Variants in MEOX2 observed in about 807,000 individuals in gnomAD.
The protein encoded by MEOX2 is homeobox protein MOX-2.
Under a neutral mutation model 27.0 loss-of-function variants are expected in MEOX2, and 11 were observed. The observed-to-expected ratio is 0.41, with a 90% CI of 0.26 to 0.68. MEOX2 has a LOEUF of 0.68. Ranked by LOEUF, MEOX2 falls within the 30% of genes least tolerant of loss-of-function variation. The pLI, the probability that MEOX2 is intolerant of heterozygous loss-of-function variation, is 0.33. For synonymous variants in MEOX2, 189 were observed against 155.4 expected (o/e 1.22, Z -1.61); for missense variants, 436 against 385.4 (o/e 1.13, Z -1.10).
intron 1 of MEOX2, among the ~76,000 whole-genome samples, chr7:15,631,153 GCAAACC>G (rs1352901890): frequency 6.6e-6 from 1 of 151,280 alleles, no homozygotes; most frequent in Non-Finnish European, 1.5e-5. Context: ...CTCTTACAAA[GCAAACC>G]CAAATTTTAC....
chr7:15,651,687 T>C (rs1008406359), intron 1 of MEOX2, among the ~76,000 whole-genome samples: 3 of 152,012 alleles, frequency 2.0e-5, no homozygotes, highest in Middle Eastern at 3.2e-3. Flanking sequence ...CTCTGTACTC[T>C]TGATCAGTGC....
At chr7:15,627,375 A>AT (rs1338052586) in intron 1 of MEOX2, among the ~76,000 whole-genome samples, 1 of 152,134 alleles carries the variant, frequency 6.6e-6, no homozygotes, top group African/African-American at 2.4e-5. Context: ...ACCATAAAAA[A>AT]TTTTATGCTC....
At chr7:15,670,029 T>G (rs1562613368) in intron 1 of MEOX2, among the ~76,000 whole-genome samples, 1 of 152,202 alleles carries the variant, frequency 6.6e-6, no homozygotes, top group Non-Finnish European at 1.5e-5. Context: ...TGACCTTACA[T>G]TCTTGAATAT....
At chr7:15,635,407 T>C (rs144646729) in intron 1 of MEOX2, among the ~76,000 whole-genome samples, 454 of 152,094 alleles carry the variant, frequency 3.0e-3, no homozygotes, top group Non-Finnish European at 4.6e-3. Flanking sequence ...GTACCAAACA[T>C]TCCAAATACA....
In MEOX2 at chr7:15,612,056, A is replaced by G; in HGVS notation, c.*331T>C. ...CATCTTCACTCTGGAGACATCTTGA[A>G]TAAAAAACCGTTCATAGTTTGCTCT... On this transcript the variant is annotated 3_prime_UTR_variant, in exon 3 of 3. Coordinates refer to ENST00000262041, the MANE Select transcript of MEOX2 (RefSeq NM_005924.5). 1 of 304,244 alleles carries G rather than the reference A, an allele frequency of 3.3e-6. No homozygotes were observed. Among genetic ancestry groups the G allele is most frequent in the South Asian group, 4.7e-5 (1 of 21,410 alleles). The allele number at this position is 304,244 out of a possible 1,614,324, so 18.8% of individuals were successfully genotyped here.
intron 1 of MEOX2, among the ~76,000 whole-genome samples, chr7:15,634,242 T>C (rs1210051885): frequency 6.6e-6 from 1 of 151,932 alleles, no homozygotes; most frequent in Non-Finnish European, 1.5e-5. Context: ...CTTGTTACAT[T>C]TGTATTCAAT....
At chr7:15,620,297 G>T (rs1781201391) in intron 2 of MEOX2, among the ~76,000 whole-genome samples, 1 of 152,166 alleles carries the variant, frequency 6.6e-6, no homozygotes, top group Admixed American at 6.5e-5. Flanking sequence ...TACATAGGTA[G>T]ACTTGAATTA....
intron 1 of MEOX2, among the ~76,000 whole-genome samples, chr7:15,629,553 T>G (rs1327334544): frequency 6.6e-6 from 1 of 152,070 alleles, no homozygotes; most frequent in Admixed American, 6.6e-5. Flanking sequence ...TACATTAAAT[T>G]AGATGACAGA....
intron 1 of MEOX2, among the ~76,000 whole-genome samples, chr7:15,669,859 G>T (rs1186261818): frequency 6.6e-6 from 1 of 152,140 alleles, no homozygotes; most frequent in African/African-American, 2.4e-5. Context: ...AGGCTTTAAA[G>T]GTTAATGATT....
At chr7:15,673,220 A>G (rs1782131735) in intron 1 of MEOX2, among the ~76,000 whole-genome samples, 1 of 152,212 alleles carries the variant, frequency 6.6e-6, no homozygotes, top group Non-Finnish European at 1.5e-5. Flanking sequence ...TGATCCAAGT[A>G]AAAAACCAGA....
Position 15,656,064 on chromosome 7 carries a change from C to T in MEOX2, c.518-29146G>A, listed in dbSNP as rs142595669. Among the ~76,000 whole-genome samples the T allele has an allele frequency of 6.1e-3, 927 of 151,864 alleles. 10 individuals carry two copies. Among genetic ancestry groups the T allele is most frequent in the African/African-American group, 0.021 (853 of 41,530 alleles). ...GAATATACATTTAGGATACCTACAT[C>T]TTCTCAATGAATTGACTTTTATCAT... On this transcript the variant is annotated intron_variant, in intron 1 of 2. Coordinates refer to ENST00000262041, the MANE Select transcript of MEOX2 (RefSeq NM_005924.5).
intron 1 of MEOX2, among the ~76,000 whole-genome samples, chr7:15,645,336 A>G (rs1781623875): frequency 6.6e-6 from 1 of 152,208 alleles, no homozygotes; most frequent in South Asian, 2.1e-4. Context: ...ATTACATAGT[A>G]AGCAGTGTTC....
chr7:15,662,702 C>T (rs1440016270), intron 1 of MEOX2, among the ~76,000 whole-genome samples: 2 of 152,076 alleles, frequency 1.3e-5, no homozygotes, highest in Non-Finnish European at 2.9e-5. Flanking sequence ...CCCATTCCTT[C>T]AAAGTTTTTC....
At chr7:15,673,509 T>C (rs1247998221) in intron 1 of MEOX2, among the ~76,000 whole-genome samples, 1 of 150,870 alleles carries the variant, frequency 6.6e-6, no homozygotes, top group Non-Finnish European at 1.5e-5. Context: ...TCCTTCTGTA[T>C]TACTTCTTAC....
At chr7:15,667,019 C>T in intron 1 of MEOX2, among the ~76,000 whole-genome samples, 1 of 149,148 alleles carries the variant, frequency 6.7e-6, no homozygotes, top group African/African-American at 2.5e-5. Flanking sequence ...AGGCTGGGTG[C>T]AGTGGCTCAC....
chr7:15,680,891 A>G (rs886341571), intron 1 of MEOX2: 3 of 151,758 alleles, frequency 2.0e-5, no homozygotes, highest in Non-Finnish European at 4.4e-5. Context: ...CACTGAAATC[A>G]TTTACCAATA....
At chr7:15,645,415 C>A (rs544384270) in intron 1 of MEOX2, among the ~76,000 whole-genome samples, 28 of 152,154 alleles carry the variant, frequency 1.8e-4, no homozygotes, top group Non-Finnish European at 3.4e-4. Flanking sequence ...AACCAAACAC[C>A]CTTTTATATC....
intron 1 of MEOX2, among the ~76,000 whole-genome samples, chr7:15,682,746 T>C (rs897859600): frequency 6.6e-6 from 1 of 151,930 alleles, no homozygotes; most frequent in Non-Finnish European, 1.5e-5. Context: ...AGCCAAGCAA[T>C]TCACACTATT....
intron 1 of MEOX2, among the ~76,000 whole-genome samples, chr7:15,634,499 A>T (rs934892840): frequency 6.6e-6 from 1 of 152,016 alleles, no homozygotes; most frequent in Admixed American, 6.6e-5. Flanking sequence ...TAAAATGTTT[A>T]TTGTTGTATG....
Sources: allele counts gnomAD v4.1 joint callset (sites outside exome capture counted in the v4.1 genomes callset), GRCh38; gene constraint gnomAD v4.1.1; transcripts MANE v1.5; gene names NCBI Gene and HGNC (gene_info 2026-07-23, HGNC 2026-07-21).